MAP3K21: variants seen among roughly 807,000 people sequenced by gnomAD.
The protein encoded by MAP3K21 is mitogen-activated protein kinase kinase kinase MLK4.
MAP3K21 carries 63 observed loss-of-function variants against 86.1 expected under a neutral mutation model. That is an observed-to-expected ratio of 0.73 (90% CI 0.60 to 0.90). The LOEUF (loss-of-function observed/expected upper bound fraction) is 0.90, where lower values mean the gene tolerates loss of function less well. MAP3K21 is among the 40% of genes least tolerant of loss of function. The pLI is 0.00. For synonymous variants in MAP3K21, 558 were observed against 564.8 expected, an observed-to-expected ratio of 0.99 and a Z score of 0.17; for missense variants, 1,220 against 1,367.7, an observed-to-expected ratio of 0.89 and a Z score of 1.70.
chr1:233,347,733 G>T lies in MAP3K21; in HGVS notation c.986+1111G>T, dbSNP rs117509326. On this transcript the variant is annotated intron_variant, in intron 2 of 9. Coordinates refer to ENST00000366624, the MANE Select transcript of MAP3K21 (RefSeq NM_032435.3). ...AGTAGACGCTGGGGACTAAGAGAAG[G>T]TGGAGGGAAGGAGCGGGGAAAGGGC... 6.5e-3 allele frequency among the ~76,000 whole-genome samples: 996 copies of T among 152,296 alleles called. 21 individuals carry two copies. The highest frequency in any genetic ancestry group is 0.062 in the East Asian group (322 of 5,184).
At position 233,379,042 on chromosome 1, in the gene MAP3K21, A is replaced by T. The variant is rs761317015; in HGVS notation, c.2036A>T (p.Gln679Leu). The part of the protein sequence containing the change: ...YIDLPLGKDA[Q>L]RENPAEAESW... Reference sequence around the variant, plus strand: ...GATCTACCTCTTGGGAAAGATGCTCAGAGAGAGAATCCTGCAGAAGCTGAA... The same window carrying T: ...GATCTACCTCTTGGGAAAGATGCTCTGAGAGAGAATCCTGCAGAAGCTGAA... Residue 679 changes from glutamine to leucine, a missense_variant, in exon 9 of 10, where the codon CAG becomes CTG. Coordinates refer to ENST00000366624, the MANE Select transcript of MAP3K21 (RefSeq NM_032435.3). The T allele has an allele frequency of 2.5e-6, 4 of 1,614,122 alleles. No individual in the cohort carries two copies. The highest frequency in any genetic ancestry group is 3.4e-6 in the Non-Finnish European group (4 of 1,180,050).
At chr1:233,329,792 C>T (rs556213001) in intron 1 of MAP3K21, among the ~76,000 whole-genome samples, 3 of 152,322 alleles carry the variant, frequency 2.0e-5, no homozygotes, top group Non-Finnish European at 4.4e-5. Context: ...TGCACAGGTA[C>T]TTGAAACCTT....
rs191922806 is a variant in MAP3K21 at position 233,347,300 on chromosome 1, T to G, written c.986+678T>G. 2.5e-3 allele frequency among the ~76,000 whole-genome samples: 382 copies of G among 152,334 alleles called. 3 individuals carry two copies. Among genetic ancestry groups the G allele is most frequent in the Admixed American group, 4.0e-3 (61 of 15,294 alleles). ...TTAGACCTATCCTTCATTTTATAGA[T>G]TGCATCATCTAAAGATTAAAGTCTC... On this transcript the variant is annotated intron_variant, in intron 2 of 9. Coordinates refer to ENST00000366624, the MANE Select transcript of MAP3K21 (RefSeq NM_032435.3).
At chr1:233,361,703 A>G (rs1300186702) in intron 4 of MAP3K21, among the ~76,000 whole-genome samples, 4 of 152,238 alleles carry the variant, frequency 2.6e-5, no homozygotes, top group African/African-American at 9.6e-5. Context: ...TTTATGTGTC[A>G]GGTGAGAGAT....
intron 9 of MAP3K21, 99 bp from the exon 10 acceptor site, chr1:233,382,206 C>T: frequency 2.9e-6 from 3 of 1,034,840 alleles, no homozygotes. Flanking sequence ...TTAAAGCTAT[C>T]ACTTTGTTGA....
intron 1 of MAP3K21, among the ~76,000 whole-genome samples, chr1:233,336,558 TA>T (rs375123255): frequency 5.9e-5 from 4 of 67,470 alleles, no homozygotes; most frequent in Non-Finnish European, 1.0e-4. Flanking sequence ...AATAAATAAA[TA>T]AAATAAAATA....
chr1:233,375,600 A>C (rs10752757), intron 6 of MAP3K21, among the ~76,000 whole-genome samples: 31,515 of 152,140 alleles, frequency 0.21, 3,524 homozygotes, highest in East Asian at 0.32. Flanking sequence ...TAGTTTGGTG[A>C]TTTCCCTCCC....
intron 6 of MAP3K21, 117 bp downstream of exon 6, chr1:233,372,277 T>G: frequency 8.7e-6 from 10 of 1,145,046 alleles, no homozygotes; most frequent in South Asian, 4.1e-5. Context: ...TGTAGGACAT[T>G]TCGTAGGTGC....
intron 1 of MAP3K21, among the ~76,000 whole-genome samples, chr1:233,342,298 G>C (rs776557565): frequency 8.5e-4 from 129 of 152,274 alleles, no homozygotes; most frequent in Middle Eastern, 3.4e-3. Context: ...CTTTGATCTT[G>C]GATAACATTT....
In MAP3K21 at chr1:233,328,622, G is replaced by T. The variant is rs992453761; in HGVS notation, c.594G>T (p.Leu198=). 2.0e-6 allele frequency: 3 copies of T among 1,470,634 alleles called. No individual in the cohort carries two copies. The highest frequency in any genetic ancestry group is 2.7e-6 in the Non-Finnish European group (3 of 1,115,302). 91.1% of individuals were successfully genotyped at this position (1,470,634 alleles called of 1,614,324 possible). ...GCCTGCAGCAGCCGCACCTCTGCCT[G>T]GTGCTGGAGTTCGCCCGCGGCGGAG... ...GVCLQQPHLC[L]VLEFARGGAL... The change falls in exon 1 of 10, where the codon CTG becomes CTT. Residue 198 remains leucine (L), a synonymous_variant. Transcript: ENST00000366624. This position sits in a 1 kb window ranked among gnomAD's most constrained non-coding sequence, Gnocchi z 8.7.
At chr1:233,371,167 C>T (rs1663671034) in intron 5 of MAP3K21, among the ~76,000 whole-genome samples, 1 of 152,274 alleles carries the variant, frequency 6.6e-6, no homozygotes, top group Admixed American at 6.5e-5. Context: ...ATGCCTAGAG[C>T]ACAAAATGCT....
chr1:233,354,792 A>ATAATCTGAG, intron 3 of MAP3K21, 44 bp from the exon 4 acceptor site: 1 of 1,436,142 alleles, frequency 7.0e-7, no homozygotes, highest in Non-Finnish European at 9.4e-7. Flanking sequence ...GCAACTCTAA[A>ATAATCTGAG]CTGCGTTGAG....
At position 233,376,198 on chromosome 1, in the gene MAP3K21, A is replaced by T. The variant is rs182180001; in HGVS notation, c.1826+132A>T. 8 of 816,340 alleles carry T rather than the reference A, an allele frequency of 9.8e-6. No individual in the cohort carries two copies. In the Admixed American group the frequency reaches 1.5e-4, roughly 16 times the overall value. 50.6% of individuals were successfully genotyped at this position (816,340 alleles called of 1,614,324 possible). On this transcript the variant is annotated intron_variant, in intron 7 of 9. Transcript: ENST00000366624. ...GATTTATAAATATCAACAATTTTCT[A>T]GGATGAATTTATCATGCTAAATTAA...
chr1:233,353,600 C>G (rs1663291621), intron 2 of MAP3K21, among the ~76,000 whole-genome samples: 2 of 152,162 alleles, frequency 1.3e-5, no homozygotes, highest in Admixed American at 1.3e-4. Flanking sequence ...TACTGGATTT[C>G]TGGGATGGAA....
At chr1:233,350,735 A>C (rs916417703) in intron 2 of MAP3K21, among the ~76,000 whole-genome samples, 5 of 152,154 alleles carry the variant, frequency 3.3e-5, no homozygotes, top group Non-Finnish European at 7.3e-5. Context: ...ATTTGCTTAG[A>C]GTTGTAAAAC....
intron 4 of MAP3K21, among the ~76,000 whole-genome samples, chr1:233,360,689 A>G (rs536582959): frequency 3.3e-5 from 5 of 152,138 alleles, no homozygotes; most frequent in African/African-American, 4.8e-5. Context: ...AATTGTACTG[A>G]TAGGCTCAGA....
rs1662724224 is a variant in MAP3K21 at position 233,327,962 on chromosome 1, C to G, written c.-67C>G. On this transcript the variant is annotated 5_prime_UTR_variant, in exon 1 of 10. Transcript: ENST00000366624. Reference sequence around the variant, plus strand: ...CCGACGGCCACACCGCCGGACGATGCGCGCCCGCGGCCGCCCGGGAGGCTG... The same window carrying G: ...CCGACGGCCACACCGCCGGACGATGGGCGCCCGCGGCCGCCCGGGAGGCTG... 8.3e-7 allele frequency: 1 copy of G among 1,206,038 alleles called. No homozygotes were observed. The highest frequency in any genetic ancestry group is 1.0e-6 in the Non-Finnish European group (1 of 965,940). 74.7% of individuals were successfully genotyped at this position (1,206,038 alleles called of 1,614,324 possible). A position where few individuals can be genotyped will look rare whatever the true frequency, so the allele number is the denominator to read the frequency against.
chr1:233,371,749 TTGTGTGTGTGTGTGTGTGTGTG>T (rs71574858), intron 5 of MAP3K21, among the ~76,000 whole-genome samples: 2 of 147,668 alleles, frequency 1.4e-5, no homozygotes, highest in Admixed American at 1.3e-4. Flanking sequence ...ATATTTTCCT[TTGTGTGTGTGTGTGTGTGTGTG>T]TGTGTGTGTG....
Position 233,328,534 on chromosome 1 carries a change from G to T in MAP3K21, c.506G>T (p.Arg169Leu). Residue 169 changes from arginine (R) to leucine (L), a missense_variant, in exon 1 of 10, where the codon CGG becomes CTG. Arg to Leu is a moderately radical substitution (Grantham distance 102, BLOSUM62 -2). This residue lies in a region of MAP3K21 where 369 missense variants were observed against 385.3 expected (regional missense o/e 0.96). Transcript: ENST00000366624. This position sits in a 1 kb window ranked among gnomAD's most constrained non-coding sequence, Gnocchi z 8.7. ...QDAAAAAESV[R>L]REARLFAMLR... ...GCGGCGGCGGCTGCCGAGAGCGTGC[G>T]GCGCGAGGCTCGGCTCTTCGCCATG... 6.5e-7 allele frequency: 1 copy of T among 1,532,696 alleles called. No homozygotes were observed. Among genetic ancestry groups the T allele is most frequent in the Non-Finnish European group, 8.7e-7 (1 of 1,150,736 alleles). 94.9% of individuals were successfully genotyped at this position (1,532,696 alleles called of 1,614,324 possible). A position where few individuals can be genotyped will look rare whatever the true frequency, so the allele number is the denominator to read the frequency against.
Sources: allele counts gnomAD v4.1 joint callset (sites outside exome capture counted in the v4.1 genomes callset), GRCh38; gene constraint gnomAD v4.1.1; regional missense constraint gnomAD v4.1.1; non-coding constraint Gnocchi (gnomAD v3.1); transcripts MANE v1.5; gene names NCBI Gene and HGNC (gene_info 2026-07-23, HGNC 2026-07-21).